Variants in MLKL observed in about 807,000 individuals in gnomAD.
MLKL encodes mixed lineage kinase domain like pseudokinase, also known as mixed lineage kinase domain-like protein.
A neutral mutation model predicts 56.5 loss-of-function variants in MLKL; 55 were observed. The ratio of observed to expected loss-of-function variants is 0.97; its 90% confidence interval spans 0.78 to 1.22. The LOEUF (loss-of-function observed/expected upper bound fraction) is 1.22. Ranked by LOEUF, MLKL falls within the 50% of genes most tolerant of loss-of-function variation. The probability of loss-of-function intolerance (pLI) is 0.00; values close to 1 mark genes in which losing one functional copy is unlikely to be tolerated. For missense variants in MLKL, 694 were observed against 573.9 expected (o/e 1.21, Z -2.14); for synonymous variants, 251 against 208.3 (o/e 1.20, Z -1.76).
At chr16:74,696,212 T>C (rs983829103) in intron 1 of MLKL, among the ~76,000 whole-genome samples, 5 of 152,152 alleles carry the variant, frequency 3.3e-5, no homozygotes, top group East Asian at 1.9e-4. Flanking sequence ...ACCTGGAACG[T>C]CTGTCATGGA....
chr16:74,680,436 A>T (rs1428091468), intron 6 of MLKL, among the ~76,000 whole-genome samples: 1 of 152,166 alleles, frequency 6.6e-6, no homozygotes, highest in Non-Finnish European at 1.5e-5. Context: ...AGTTTGCTCC[A>T]GTCTTTCTGA....
At chr16:74,688,442 A>G (rs1304448031) in intron 4 of MLKL, among the ~76,000 whole-genome samples, 1 of 152,104 alleles carries the variant, frequency 6.6e-6, no homozygotes, top group Non-Finnish European at 1.5e-5. Flanking sequence ...GGCCAGGTGC[A>G]GTGGCTCAAG....
chr16:74,693,958 T>C (rs1299714036), intron 2 of MLKL, among the ~76,000 whole-genome samples: 1 of 152,144 alleles, frequency 6.6e-6, no homozygotes, highest in African/African-American at 2.4e-5. Context: ...GAAAAAATGA[T>C]GGGTGTATGT....
chr16:74,692,503 G>C (rs570591335), intron 2 of MLKL, 87 bp from the exon 3 acceptor site: 1 of 1,075,398 alleles, frequency 9.3e-7, no homozygotes. Context: ...AAACTGTTGA[G>C]ATATCATTTT....
chr16:74,692,776 A>G (rs1350123941), intron 2 of MLKL, among the ~76,000 whole-genome samples: 1 of 152,282 alleles, frequency 6.6e-6, no homozygotes, highest in East Asian at 1.9e-4. Flanking sequence ...GAAGGAGGAC[A>G]TTCACCTTGG....
At chr16:74,678,074 G>T (rs1295960670) in intron 7 of MLKL, 1 of 152,274 alleles carries the variant, frequency 6.6e-6, no homozygotes, top group Non-Finnish European at 1.5e-5. Context: ...ACTCCTGCAG[G>T]TCATGGGCTT....
chr16:74,676,206 T>C, intron 7 of MLKL: 1 of 994,448 alleles, frequency 1.0e-6, no homozygotes, highest in South Asian at 4.3e-5. Context: ...CATGGGGGCA[T>C]CCCCTCTGTG....
chr16:74,697,243 G>C (rs554712990), intron 1 of MLKL, among the ~76,000 whole-genome samples: 1 of 151,914 alleles, frequency 6.6e-6, no homozygotes, highest in African/African-American at 2.4e-5. Context: ...CTTGGAATGA[G>C]GCTAACCTGA....
At position 74,675,397 on chromosome 16, in the gene MLKL, T is replaced by G; in HGVS notation, c.1198A>C (p.Ile400Leu). The change falls in exon 9 of 11, where the codon ATC (isoleucine) becomes CTC (leucine). Residue 400 changes from isoleucine (I) to leucine (L), a missense_variant. Transcript: ENST00000308807. ...DVKSEIYSFGIVLWEIATGDI... is the reference protein window; with the variant it reads ...DVKSEIYSFGLVLWEIATGDI... ...CCAGTGGCGATTTCCCAGAGGACGA[T>G]TCCAAAGCTAAAAGAAAACCAAGAA... is the stretch of plus-strand genomic sequence containing the variant. 6.2e-7 allele frequency: 1 copy of G among 1,613,908 alleles called. No homozygotes were observed. The highest frequency in any genetic ancestry group is 8.5e-7 in the Non-Finnish European group (1 of 1,180,020).
intron 10 of MLKL, among the ~76,000 whole-genome samples, chr16:74,673,689 A>G (rs1358436098): frequency 2.0e-5 from 3 of 152,128 alleles, no homozygotes; most frequent in Non-Finnish European, 2.9e-5. Context: ...ATGCTGAAAA[A>G]AGGAAGGAAG....
chr16:74,677,564 A>G (rs1259317670), intron 7 of MLKL: 1 of 152,140 alleles, frequency 6.6e-6, no homozygotes, highest in African/African-American at 2.4e-5. Flanking sequence ...CTGTGTTGCC[A>G]AGGCTGGTCT....
intron 5 of MLKL, among the ~76,000 whole-genome samples, chr16:74,685,019 C>T (rs1390106281): frequency 6.6e-6 from 1 of 152,132 alleles, no homozygotes; most frequent in African/African-American, 2.4e-5. Context: ...TGCCTGCCAC[C>T]AGACCCAGCT....
At chr16:74,674,541 T>G (rs1169277280) in intron 10 of MLKL, among the ~76,000 whole-genome samples, 1 of 151,522 alleles carries the variant, frequency 6.6e-6, no homozygotes, top group African/African-American at 2.4e-5. Flanking sequence ...CACTGCAACC[T>G]CCCAGTTTCA....
At chr16:74,679,763 C>T (rs949784352) in intron 6 of MLKL, among the ~76,000 whole-genome samples, 5 of 151,864 alleles carry the variant, frequency 3.3e-5, no homozygotes, top group African/African-American at 7.3e-5. Context: ...TGCAGTGAGC[C>T]GAGATCACGC....
chr16:74,676,195 G>T (rs1046171056), intron 7 of MLKL: 1 of 974,888 alleles, frequency 1.0e-6, no homozygotes, highest in Non-Finnish European at 1.2e-6. Flanking sequence ...TGGAAAAATG[G>T]CATGGGGGCA....
At chr16:74,687,802 G>T (rs887063942) in intron 4 of MLKL, among the ~76,000 whole-genome samples, 1 of 151,956 alleles carries the variant, frequency 6.6e-6, no homozygotes, top group African/African-American at 2.4e-5. Context: ...CCAAGTAGCT[G>T]GGACTACAGG....
At chr16:74,677,566 G>A (rs1204323741) in intron 7 of MLKL, 2 of 152,218 alleles carry the variant, frequency 1.3e-5, no homozygotes, top group Non-Finnish European at 2.9e-5. Context: ...GTGTTGCCAA[G>A]GCTGGTCTTG....
rs777291314 is a variant in MLKL, at chr16:74,685,578, A to G, written c.728T>C (p.Val243Ala). The G allele has an allele frequency of 6.2e-6, 10 of 1,611,022 alleles. No individual in the cohort carries two copies. Among genetic ancestry groups the G allele is most frequent in the African/African-American group, 5.3e-5 (4 of 74,868 alleles). Reference protein sequence around the residue: ...KKLQAGSIAIVRQTFNKEIKT... With the variant: ...KKLQAGSIAIARQTFNKEIKT... ...GATCTCCTTATTGAAAGTCTGCCTC[A>G]CTATTCTATAAGGATTAAAGAGAGA... The change falls in exon 5 of 11, where the codon GTG becomes GCG. Residue 243 changes from valine to alanine, a missense_variant. Physicochemically the swap from Val to Ala is moderately conservative, Grantham distance 64. Coordinates refer to ENST00000308807, the MANE Select transcript of MLKL (RefSeq NM_152649.4).
chr16:74,695,839 G>C (rs547050876), intron 1 of MLKL, 80 bp from the exon 2 acceptor site: 19 of 1,291,192 alleles, frequency 1.5e-5, no homozygotes, highest in Admixed American at 7.9e-5. Context: ...AATCAAAGCG[G>C]TCTGTGACTT....
Sources: allele counts gnomAD v4.1 joint callset (sites outside exome capture counted in the v4.1 genomes callset), GRCh38; gene constraint gnomAD v4.1.1; transcripts MANE v1.5; gene names NCBI Gene and HGNC (gene_info 2026-07-23, HGNC 2026-07-21).